FUT9: variants seen among roughly 807,000 people sequenced by gnomAD.
FUT9 encodes the protein fucosyltransferase 9, also known as 4-galactosyl-N-acetylglucosaminide 3-alpha-L-fucosyltransferase 9.
Under a neutral mutation model 29.7 loss-of-function variants are expected in FUT9, and 15 were observed. That is an observed-to-expected ratio of 0.51 (90% confidence interval 0.34 to 0.78). The LOEUF (loss-of-function observed/expected upper bound fraction) is 0.78. Among genes scored for constraint, FUT9 ranks in the 30% least tolerant of loss-of-function variants. The pLI is 0.01. For synonymous variants in FUT9, 169 were observed against 153.7 expected, an observed-to-expected ratio of 1.10 and a Z score of -0.74; for missense variants, 319 against 425.4, an observed-to-expected ratio of 0.75 and a Z score of 2.20.
chr6:96,016,470 C>T (rs1769980600), intron 1 of FUT9, among the ~76,000 whole-genome samples: 1 of 152,160 alleles, frequency 6.6e-6, no homozygotes, highest in African/African-American at 2.4e-5. Flanking sequence ...CCCCCAGGCT[C>T]CCACACTAGC....
At chr6:96,052,722 G>A (rs759003388) in intron 1 of FUT9, among the ~76,000 whole-genome samples, 1 of 151,996 alleles carries the variant, frequency 6.6e-6, no homozygotes, top group Non-Finnish European at 1.5e-5. Flanking sequence ...AGATGTTGGG[G>A]AAATGACTAC....
At chr6:96,027,768 G>A (rs925000789) in intron 1 of FUT9, among the ~76,000 whole-genome samples, 1 of 151,452 alleles carries the variant, frequency 6.6e-6, no homozygotes, top group Non-Finnish European at 1.5e-5. Context: ...TTATTCAAGG[G>A]CTGGCTGTGT....
rs568389758 is a variant in FUT9, at chr6:96,103,333, T to C, written c.-97-10706T>C. Among the ~76,000 whole-genome samples, 93 of 152,302 alleles carry C rather than the reference T, an allele frequency of 6.1e-4. 1 individual carries two copies. The Middle Eastern group carries it at 0.014, about 22-fold the overall frequency. ...AACAGAATTCTTATTCTGCCTTCTT[T>C]ATATTCAAGAACTCAACACTACAGC... On this transcript the variant is annotated intron_variant, in intron 1 of 2. Coordinates refer to ENST00000302103, the MANE Select transcript of FUT9 (RefSeq NM_006581.4).
intron 1 of FUT9, among the ~76,000 whole-genome samples, chr6:96,023,255 G>T (rs1032828957): frequency 3.3e-5 from 5 of 151,980 alleles, no homozygotes; most frequent in Admixed American, 2.0e-4. Context: ...TAAACATTGT[G>T]AATCTGCTCA....
At chr6:96,110,397 C>G (rs1025212360) in intron 1 of FUT9, among the ~76,000 whole-genome samples, 2 of 152,166 alleles carry the variant, frequency 1.3e-5, no homozygotes, top group South Asian at 2.1e-4. Flanking sequence ...GTGAATCTGT[C>G]ATGCCACAGG....
chr6:96,045,838 C>A (rs1770553622), intron 1 of FUT9, among the ~76,000 whole-genome samples: 1 of 152,172 alleles, frequency 6.6e-6, no homozygotes, highest in Non-Finnish European at 1.5e-5. Flanking sequence ...CTGGCGGGTA[C>A]TTTTTTGCAG....
At chr6:96,024,480 G>A (rs1444318625) in intron 1 of FUT9, among the ~76,000 whole-genome samples, 3 of 151,590 alleles carry the variant, frequency 2.0e-5, no homozygotes, top group African/African-American at 7.3e-5. Flanking sequence ...CTCTATATTG[G>A]GAGCAGGACT....
At chr6:96,038,300 C>G (rs532643484) in intron 1 of FUT9, among the ~76,000 whole-genome samples, 144 of 152,266 alleles carry the variant, frequency 9.5e-4, no homozygotes, top group African/African-American at 2.6e-3. Flanking sequence ...GACGAATTCA[C>G]TGCAATCTTG....
chr6:96,122,033 C>T (rs979315149), intron 2 of FUT9, among the ~76,000 whole-genome samples: 2 of 151,992 alleles, frequency 1.3e-5, no homozygotes, highest in Non-Finnish European at 2.9e-5. Flanking sequence ...CGCTGGGTAG[C>T]CAAGAGAATT....
intron 2 of FUT9, among the ~76,000 whole-genome samples, chr6:96,161,650 G>T (rs1401963469): frequency 6.6e-6 from 1 of 152,064 alleles, no homozygotes; most frequent in Non-Finnish European, 1.5e-5. Flanking sequence ...ATACTTACGG[G>T]ATCTAAAATA....
At chr6:96,040,247 C>CA (rs1353803911) in intron 1 of FUT9, among the ~76,000 whole-genome samples, 1 of 152,068 alleles carries the variant, frequency 6.6e-6, no homozygotes, top group Non-Finnish European at 1.5e-5. Context: ...TTTAGAAGAA[C>CA]AAAACACATT....
intron 2 of FUT9, among the ~76,000 whole-genome samples, chr6:96,157,426 G>A (rs1251753313): frequency 6.6e-6 from 1 of 152,024 alleles, no homozygotes; most frequent in Non-Finnish European, 1.5e-5. Context: ...TTTTTCCTTT[G>A]GAAGAGAATG....
At chr6:96,115,649 G>A (rs1038371033) in intron 2 of FUT9, among the ~76,000 whole-genome samples, 3 of 152,118 alleles carry the variant, frequency 2.0e-5, no homozygotes, top group Non-Finnish European at 2.9e-5. Flanking sequence ...CCAGGTGACC[G>A]CTGATATAAT....
intron 1 of FUT9, among the ~76,000 whole-genome samples, chr6:96,066,577 A>G (rs1383129490): frequency 6.6e-6 from 1 of 152,064 alleles, no homozygotes; most frequent in Non-Finnish European, 1.5e-5. Flanking sequence ...CTAATTTAAC[A>G]TGTTCTTCCA....
At chr6:96,089,780 G>A (rs1004708428) in intron 1 of FUT9, among the ~76,000 whole-genome samples, 5 of 152,098 alleles carry the variant, frequency 3.3e-5, no homozygotes, top group African/African-American at 4.8e-5. Flanking sequence ...TCATAACAGC[G>A]CTTTTAAGCT....
chr6:96,141,171 T>A (rs1772455043), intron 2 of FUT9, among the ~76,000 whole-genome samples: 1 of 152,216 alleles, frequency 6.6e-6, no homozygotes, highest in East Asian at 1.9e-4. Context: ...CCTTTAATGA[T>A]AAGTTTCTTC....
intron 1 of FUT9, among the ~76,000 whole-genome samples, chr6:96,043,305 G>C (rs56327432): frequency 0.72 from 108,585 of 151,754 alleles, 39,767 homozygotes; most frequent in African/African-American, 0.89. Context: ...CTCGCCTCGG[G>C]TCCCAAAGTG....
chr6:96,178,209 G>T (rs1773240727), intron 2 of FUT9, among the ~76,000 whole-genome samples: 1 of 152,078 alleles, frequency 6.6e-6, no homozygotes, highest in African/African-American at 2.4e-5. Flanking sequence ...CAATATCCAG[G>T]CACGATTTTT....
intron 1 of FUT9, among the ~76,000 whole-genome samples, chr6:96,041,189 T>A (rs1770453624): frequency 6.6e-6 from 1 of 151,734 alleles, no homozygotes; most frequent in Non-Finnish European, 1.5e-5. Flanking sequence ...TGCCAACTTC[T>A]TGAGGACAGG....
Sources: allele counts gnomAD v4.1 joint callset (sites outside exome capture counted in the v4.1 genomes callset), GRCh38; gene constraint gnomAD v4.1.1; transcripts MANE v1.5; gene names NCBI Gene and HGNC (gene_info 2026-07-23, HGNC 2026-07-21).